Variants in CSMD3 observed in about 807,000 individuals in gnomAD.
CSMD3 encodes CUB and Sushi multiple domains 3.
CSMD3 carries 177 observed loss-of-function variants against 435.2 expected under a neutral mutation model. The ratio of observed to expected loss-of-function variants is 0.41; its 90% CI spans 0.36 to 0.46. The LOEUF (loss-of-function observed/expected upper bound fraction) is 0.46, where lower values mean the gene tolerates loss of function less well. Ranked by LOEUF, CSMD3 falls within the 20% of genes least tolerant of loss-of-function variation. The probability of loss-of-function intolerance (pLI) is 0.34; values close to 1 mark genes in which losing one functional copy is unlikely to be tolerated. For synonymous variants in CSMD3, 1,656 were observed against 1,520.5 expected (o/e 1.09, Z -2.07); for missense variants, 4,265 against 4,504.6 (o/e 0.95, Z 1.52).
intron 49 of CSMD3, 135 bp downstream of exon 49, chr8:112,313,771 T>C (rs1451776236): frequency 5.9e-6 from 4 of 674,252 alleles, no homozygotes; most frequent in Admixed American, 2.5e-5. Context: ...AGAGGTTACA[T>C]AAATTGTCCA....
At chr8:113,035,964 CATAA>C (rs918122119) in intron 5 of CSMD3, among the ~76,000 whole-genome samples, 1 of 151,872 alleles carries the variant, frequency 6.6e-6, no homozygotes, top group African/African-American at 2.4e-5. Flanking sequence ...ATTCCATTCC[CATAA>C]ATAAACTATT....
intron 5 of CSMD3, among the ~76,000 whole-genome samples, chr8:113,029,176 T>C (rs1019305052): frequency 1.3e-5 from 2 of 151,552 alleles, no homozygotes; most frequent in African/African-American, 4.8e-5. Flanking sequence ...CCATATGGAT[T>C]CACAGCAGAA....
chr8:113,096,378 C>T (rs997215764), intron 5 of CSMD3, among the ~76,000 whole-genome samples: 2 of 152,084 alleles, frequency 1.3e-5, no homozygotes, highest in Admixed American at 1.3e-4. Flanking sequence ...TCTTTTCTTT[C>T]TCCAACTTCA....
chr8:113,416,747 C>A (rs1011609118), intron 1 of CSMD3, among the ~76,000 whole-genome samples: 3 of 152,076 alleles, frequency 2.0e-5, no homozygotes, highest in African/African-American at 7.2e-5. Context: ...AAAGCTTTCA[C>A]TTGGTTGTGG....
chr8:113,259,167 G>T (rs889048155), intron 3 of CSMD3, among the ~76,000 whole-genome samples: 1 of 152,084 alleles, frequency 6.6e-6, no homozygotes, highest in Non-Finnish European at 1.5e-5. Context: ...ATATAGCCTT[G>T]TCATGCCCTT....
chr8:113,062,696 C>T lies in CSMD3; in HGVS notation c.917+36060G>A, dbSNP rs1394267. Among the ~76,000 whole-genome samples, 895 of 151,824 alleles carry T rather than the reference C, an allele frequency of 5.9e-3. 1 individual carries two copies. The highest frequency in any genetic ancestry group is 8.8e-3 in the Non-Finnish European group (598 of 67,726). ...TACATATTTACTTTATATTCAAATG[C>T]TCCCTTTTGTTTGACAAAAATCTAG... is the stretch of plus-strand genomic sequence containing the variant. On this transcript the variant is annotated intron_variant, in intron 5 of 70. Transcript: ENST00000297405.
chr8:112,506,983 CA>C (rs1822601083), intron 28 of CSMD3, among the ~76,000 whole-genome samples, 154 bp from the exon 29 acceptor site: 1 of 152,086 alleles, frequency 6.6e-6, no homozygotes, highest in Non-Finnish European at 1.5e-5. Flanking sequence ...CATTATGTTT[CA>C]AGAAAGACCA....
chr8:112,282,056 C>T (rs1009367521), intron 58 of CSMD3, among the ~76,000 whole-genome samples: 1 of 151,988 alleles, frequency 6.6e-6, no homozygotes, highest in Non-Finnish European at 1.5e-5. Flanking sequence ...GACTTAAAAG[C>T]TATAATATAT....
chr8:112,818,345 T>C (rs1184798013), intron 12 of CSMD3, among the ~76,000 whole-genome samples: 2 of 152,130 alleles, frequency 1.3e-5, no homozygotes, highest in East Asian at 3.9e-4. Context: ...CTTAAATATT[T>C]TGATATGAGA....
At position 112,472,650 on chromosome 8, in the gene CSMD3, G is replaced by T. The variant is rs2130754067; in HGVS notation, c.5336C>A (p.Pro1779Gln). ...SEGTVLSPNY[P>Q]KNYSVGHNCV... ...ATTATGTCCCACACTGTAATTTTTTGGATAGTTTGGTGATAGAACAGTGCC... is the reference window on the plus strand; with the variant it reads ...ATTATGTCCCACACTGTAATTTTTTTGATAGTTTGGTGATAGAACAGTGCC... Residue 1779 changes from proline to glutamine, a missense_variant, in exon 32 of 71, where the codon CCA (proline) becomes CAA (glutamine). By Grantham distance (76) the Pro-to-Gln change is moderately conservative (BLOSUM62 -1). This residue lies in a region of CSMD3 where 3,255 missense variants were observed against 3,380.2 expected (regional missense o/e 0.96). Transcript: ENST00000297405. The T allele has an allele frequency of 6.2e-7, 1 of 1,612,238 alleles. No homozygotes were observed. Among genetic ancestry groups the T allele is most frequent in the South Asian group, 1.1e-5 (1 of 91,018 alleles).
chr8:112,816,848 A>G (rs1341386673), intron 12 of CSMD3, among the ~76,000 whole-genome samples: 1 of 151,732 alleles, frequency 6.6e-6, no homozygotes, highest in African/African-American at 2.4e-5. Flanking sequence ...ATAAATTATT[A>G]TATTAACCCA....
At chr8:112,452,543 C>A (rs1041269057) in intron 32 of CSMD3, among the ~76,000 whole-genome samples, 4 of 152,092 alleles carry the variant, frequency 2.6e-5, no homozygotes, top group Non-Finnish European at 4.4e-5. Flanking sequence ...ACTATTTAAT[C>A]TAAGAGATGT....
chr8:112,562,406 T>C (rs1042269368), intron 24 of CSMD3, among the ~76,000 whole-genome samples: 1 of 151,486 alleles, frequency 6.6e-6, no homozygotes, highest in African/African-American at 2.4e-5. Flanking sequence ...AAAACATAAA[T>C]ATATACTTTA....
At chr8:112,721,235 T>C (rs558909795) in intron 13 of CSMD3, among the ~76,000 whole-genome samples, 1 of 152,244 alleles carries the variant, frequency 6.6e-6, no homozygotes, top group African/African-American at 2.4e-5. Flanking sequence ...CATGAAAAAC[T>C]GAATCTATGT....
intron 31 of CSMD3, among the ~76,000 whole-genome samples, chr8:112,491,944 C>A (rs1820742003): frequency 6.6e-6 from 1 of 151,990 alleles, no homozygotes; most frequent in Non-Finnish European, 1.5e-5. Flanking sequence ...TCTGTTTTTC[C>A]TTTCTTATAT....
At chr8:112,835,041 A>T (rs908000795) in intron 11 of CSMD3, among the ~76,000 whole-genome samples, 1 of 151,790 alleles carries the variant, frequency 6.6e-6, no homozygotes, top group Admixed American at 6.6e-5. Context: ...TTCCAACTGG[A>T]TTGCTTAGTG....
At chr8:112,420,932 C>T (rs1812427685) in intron 32 of CSMD3, among the ~76,000 whole-genome samples, 1 of 152,138 alleles carries the variant, frequency 6.6e-6, no homozygotes, top group African/African-American at 2.4e-5. Context: ...CTGCATGTTG[C>T]CTCCTACGCA....
At chr8:113,069,843 G>A (rs118134591) in intron 5 of CSMD3, among the ~76,000 whole-genome samples, 3,012 of 152,134 alleles carry the variant, frequency 0.02, 43 homozygotes, top group Non-Finnish European at 0.029. Context: ...GTATCCACCT[G>A]CTTCCCTTAG....
rs535577817 is a variant in CSMD3, at chr8:112,237,517, T to A, written c.10469-169A>T. 7.2e-5 allele frequency among the ~76,000 whole-genome samples: 11 copies of A among 152,256 alleles called. No homozygotes were observed. In the East Asian group the frequency reaches 2.1e-3, roughly 29 times the overall value. ...ATAAAAATGTTTCCATTTTTTAGAATAAATCCACATTGTAATAATCTAGAT... is the reference window on the plus strand; with the variant it reads ...ATAAAAATGTTTCCATTTTTTAGAAAAAATCCACATTGTAATAATCTAGAT... On this transcript the variant is annotated intron_variant, in intron 66 of 70. Transcript: ENST00000297405.
Sources: gnomAD v4.1 joint callset for allele counts (sites outside exome capture counted in the v4.1 genomes callset) on GRCh38, gnomAD v4.1.1 for gene constraint, gnomAD v4.1.1 regional missense constraint, MANE v1.5 for transcripts, NCBI Gene and HGNC (gene_info 2026-07-23, HGNC 2026-07-21) for gene names.